ANO3: variants seen among roughly 807,000 people sequenced by gnomAD.
ANO3 encodes anoctamin 3.
A neutral mutation model predicts 144.8 loss-of-function variants in ANO3; 99 were observed. The observed-to-expected ratio is 0.68, with a 90% CI of 0.58 to 0.81. ANO3 has a LOEUF of 0.81. ANO3 is among the 30% of genes least tolerant of loss of function. The pLI is 0.00. For synonymous variants in ANO3, 414 were observed against 392.6 expected (o/e 1.05, Z -0.64); for missense variants, 905 against 1,202.2 (o/e 0.75, Z 3.66).
chr11:26,660,092 C>A (rs1853831707), intron 26 of ANO3, among the ~76,000 whole-genome samples, 170 bp from the exon 27 acceptor site: 1 of 152,174 alleles, frequency 6.6e-6, no homozygotes, highest in East Asian at 1.9e-4. Flanking sequence ...AGGAAGAAAG[C>A]AACAGTAGTG....
rs548603015 is a variant in ANO3 at position 26,297,189 on chromosome 11, G to GTGTGTGTGTT, written c.155-12447_155-12446insTTGTGTGTGT. 1.6e-3 allele frequency among the ~76,000 whole-genome samples: 245 copies of GTGTGTGTGTT among 151,798 alleles called. 2 individuals carry two copies. The highest frequency in any genetic ancestry group is 5.6e-3 in the African/African-American group (232 of 41,382). ...CCAAGCTGCATCAACCATTGCGTGT[G>GTGTGTGTGTT]TGTGTGTGTGTGTGTGTGTGTGAAT... On this transcript the variant is annotated intron_variant, in intron 1 of 27. Coordinates refer to the ANO3 transcript ENST00000672621.
rs1326712051 is a variant in ANO3 at position 26,366,407 on chromosome 11, G to T, written c.46+34086G>T. ...TCTAGTCTATTTGGACATTTGGGTT[G>T]GTTCCAAGTCTTTGCTATTGTGAGT... On this transcript the variant is annotated intron_variant, in intron 1 of 26. Transcript: ENST00000256737. Among the ~76,000 whole-genome samples the T allele has an allele frequency of 4.6e-5, 7 of 152,076 alleles. No individual in the cohort carries two copies. In the South Asian group the frequency reaches 1.2e-3, roughly 27 times the overall value.
intron 1 of ANO3, among the ~76,000 whole-genome samples, chr11:26,346,884 T>A (rs1564975748): frequency 6.6e-6 from 1 of 152,298 alleles, no homozygotes; most frequent in East Asian, 1.9e-4. Flanking sequence ...TCAAAAAAAG[T>A]GCTCTAGTGG....
At chr11:26,291,903 T>C (rs1011831628) in intron 1 of ANO3, among the ~76,000 whole-genome samples, 12 of 152,238 alleles carry the variant, frequency 7.9e-5, no homozygotes, top group Admixed American at 5.9e-4. Context: ...TTGCTCTTCT[T>C]GAGGAGTATC....
chr11:26,221,005 A>G (rs1276732192), intron 1 of ANO3, among the ~76,000 whole-genome samples: 2 of 152,288 alleles, frequency 1.3e-5, no homozygotes, highest in East Asian at 3.9e-4. Flanking sequence ...GTATAGATCC[A>G]TTGGCATATT....
At chr11:26,213,810 A>G (rs1851982535) in intron 1 of ANO3, among the ~76,000 whole-genome samples, 1 of 151,928 alleles carries the variant, frequency 6.6e-6, no homozygotes, top group Non-Finnish European at 1.5e-5. Context: ...AAAGAGTTAA[A>G]TGATATATTT....
intron 1 of ANO3, among the ~76,000 whole-genome samples, chr11:26,396,187 A>C (rs1441002721): frequency 6.6e-6 from 1 of 152,214 alleles, no homozygotes; most frequent in East Asian, 1.9e-4. Flanking sequence ...CATATGAAAG[A>C]AAGCTCACAA....
chr11:26,238,282 A>C (rs10834930), intron 1 of ANO3, among the ~76,000 whole-genome samples: 2,555 of 152,238 alleles, frequency 0.017, 60 homozygotes, highest in East Asian at 0.13. Context: ...TTCTTAGGAG[A>C]AATTTCTGTA....
At chr11:26,210,086 C>T (rs1851901477) in intron 1 of ANO3, among the ~76,000 whole-genome samples, 1 of 152,250 alleles carries the variant, frequency 6.6e-6, no homozygotes, top group East Asian at 1.9e-4. Context: ...ATGGTATTGA[C>T]TAGGTTTTCT....
At chr11:26,475,886 T>G (rs984392237) in intron 4 of ANO3, among the ~76,000 whole-genome samples, 2 of 152,042 alleles carry the variant, frequency 1.3e-5, no homozygotes, top group Admixed American at 6.6e-5. Context: ...GTGTGTTCCC[T>G]TCCTAAACAG....
At chr11:26,191,905 T>A (rs959298244) in intron 1 of ANO3, among the ~76,000 whole-genome samples, 1 of 152,180 alleles carries the variant, frequency 6.6e-6, no homozygotes, top group Non-Finnish European at 1.5e-5. Flanking sequence ...CTATATAGTA[T>A]GCCAATGACT....
chr11:26,609,897 C>A (rs981061559), intron 17 of ANO3, among the ~76,000 whole-genome samples: 1 of 152,060 alleles, frequency 6.6e-6, no homozygotes, highest in African/African-American at 2.4e-5. Flanking sequence ...TCCTAGCCAA[C>A]GCTAGTTTAC....
intron 1 of ANO3, among the ~76,000 whole-genome samples, chr11:26,377,868 T>A (rs1856458229): frequency 6.6e-6 from 1 of 152,060 alleles, no homozygotes. Context: ...GGTACAAATA[T>A]CTCCAAATTA....
chr11:26,256,809 C>G (rs926907834), intron 1 of ANO3, among the ~76,000 whole-genome samples: 1 of 151,544 alleles, frequency 6.6e-6, no homozygotes. Flanking sequence ...TTTTTTTATT[C>G]CACATTATTT....
At chr11:26,516,765 T>C in intron 5 of ANO3, 62 bp from the exon 6 acceptor site, 1 of 1,163,984 alleles carries the variant, frequency 8.6e-7, no homozygotes, top group Non-Finnish European at 1.3e-6. Context: ...CAAATCAAAC[T>C]GTGGCATGAT....
intron 1 of ANO3, among the ~76,000 whole-genome samples, chr11:26,218,103 G>A (rs1467039485): frequency 5.9e-5 from 9 of 152,114 alleles, no homozygotes; most frequent in Non-Finnish European, 1.2e-4. Context: ...TTTTCAGTAA[G>A]TGAGGTAGCA....
intron 1 of ANO3, among the ~76,000 whole-genome samples, chr11:26,343,257 T>C (rs1430998846): frequency 6.6e-6 from 1 of 152,238 alleles, no homozygotes; most frequent in African/African-American, 2.4e-5. Context: ...TAATCTCATG[T>C]ATATATTTAT....
At chr11:26,455,866 C>A (rs1590375805) in intron 3 of ANO3, among the ~76,000 whole-genome samples, 1 of 151,492 alleles carries the variant, frequency 6.6e-6, no homozygotes, top group South Asian at 2.1e-4. Flanking sequence ...GTACTGGCAC[C>A]AAAACAGAGA....
intron 1 of ANO3, among the ~76,000 whole-genome samples, chr11:26,257,951 GT>G (rs1197756087): frequency 1.3e-5 from 2 of 152,024 alleles, no homozygotes; most frequent in Non-Finnish European, 2.9e-5. Context: ...TGACCACACA[GT>G]TTTATTTCAT....
Sources: allele counts gnomAD v4.1 joint callset (sites outside exome capture counted in the v4.1 genomes callset), GRCh38; gene constraint gnomAD v4.1.1; transcripts MANE v1.5; gene names NCBI Gene and HGNC (gene_info 2026-07-23, HGNC 2026-07-21).